PTGER4: variants seen among roughly 807,000 people sequenced by gnomAD.
PTGER4 encodes the protein prostaglandin E receptor 4, also known as prostaglandin E2 receptor EP4 subtype.
PTGER4 carries 11 observed loss-of-function variants against 33.2 expected under a neutral mutation model. The ratio of observed to expected loss-of-function variants is 0.33; its 90% CI spans 0.21 to 0.55. PTGER4 has a LOEUF of 0.55. PTGER4 is among the 20% of genes least tolerant of loss of function. The probability of loss-of-function intolerance (pLI) is 0.92; values close to 1 mark genes in which losing one functional copy is unlikely to be tolerated. For missense variants in PTGER4, 481 were observed against 650.2 expected (o/e 0.74, Z 2.83); for synonymous variants, 275 against 281.5 (o/e 0.98, Z 0.23).
At chr5:40,708,618 T>A in the PTGER4 span, among the ~76,000 whole-genome samples, 1 of 152,202 alleles carries the variant, frequency 6.6e-6, no homozygotes, top group East Asian at 1.9e-4. Flanking sequence ...GAGGAGCTGG[T>A]ACCATTCCTT....
chr5:40,744,716 AT>A, the PTGER4 span, among the ~76,000 whole-genome samples: 4 of 152,274 alleles, frequency 2.6e-5, no homozygotes, highest in Admixed American at 2.6e-4. Context: ...AAAATCATGT[AT>A]TTATTCAAAT....
chr5:40,701,564 T>C, the PTGER4 span, among the ~76,000 whole-genome samples: 2 of 152,202 alleles, frequency 1.3e-5, no homozygotes, highest in East Asian at 1.9e-4. Context: ...ATCACTGGCA[T>C]TCCTGACAGA....
In PTGER4 at chr5:40,681,062, C is replaced by A; in HGVS notation, c.69C>A (p.Ile23=). ...ACCGGCTGAACAGCCCAGTGACCATCCCGGCGGTGATGTTCATCTTCGGGG... is the reference window on the plus strand; with the variant it reads ...ACCGGCTGAACAGCCCAGTGACCATACCGGCGGTGATGTTCATCTTCGGGG... ...SPDRLNSPVT[I]PAVMFIFGVV... Residue 23 remains isoleucine (I), a synonymous_variant, in exon 2 of 3, where the codon ATC becomes ATA. Coordinates refer to ENST00000302472, the MANE Select transcript of PTGER4 (RefSeq NM_000958.3). The surrounding 1 kb of genome is among the most constrained non-coding windows in gnomAD (Gnocchi z 9.8). 1 of 1,614,094 alleles carries A rather than the reference C, an allele frequency of 6.2e-7. No individual in the cohort carries two copies. Among genetic ancestry groups the A allele is most frequent in the Non-Finnish European group, 8.5e-7 (1 of 1,180,032 alleles).
the PTGER4 span, among the ~76,000 whole-genome samples, chr5:40,738,910 A>G: frequency 3.3e-5 from 5 of 152,232 alleles, no homozygotes; most frequent in South Asian, 1.0e-3. Context: ...TCTTCTTCCT[A>G]CTGAGTTGTA....
the PTGER4 span, chr5:40,716,524 G>A: frequency 6.6e-7 from 1 of 1,514,680 alleles, no homozygotes; most frequent in Non-Finnish European, 8.9e-7. Context: ...AGAGTTTTTT[G>A]TTTTGGTTTT....
Position 40,692,624 on chromosome 5 carries a change from G to A in PTGER4, c.*246G>A, listed in dbSNP as rs1426866234. The A allele has an allele frequency of 8.9e-6, 11 of 1,234,254 alleles. No individual in the cohort carries two copies. The East Asian group carries it at 1.1e-4, about 12-fold the overall frequency. 76.5% of individuals were successfully genotyped at this position (1,234,254 alleles called of 1,614,324 possible). A position where few individuals can be genotyped will look rare whatever the true frequency, so the allele number is the denominator to read the frequency against. On this transcript the variant is annotated 3_prime_UTR_variant, in exon 3 of 3. Coordinates refer to ENST00000302472, the MANE Select transcript of PTGER4 (RefSeq NM_000958.3). ...ATTGTGGTCACAACTTGATGGCTGC[G>A]AAGACCTACCCTCCGTTTTTCTACT...
the PTGER4 span, among the ~76,000 whole-genome samples, chr5:40,712,513 A>G: frequency 6.6e-6 from 1 of 152,184 alleles, no homozygotes; most frequent in Non-Finnish European, 1.5e-5. Flanking sequence ...TGCCAACAAT[A>G]GCCACCAGAT....
In PTGER4 at chr5:40,693,457, G is replaced by A; in HGVS notation, c.*1079G>A. 1.0e-6 allele frequency: 1 copy of A among 985,954 alleles called. No homozygotes were observed. Among genetic ancestry groups the A allele is most frequent in the Non-Finnish European group, 1.2e-6 (1 of 829,938 alleles). 61.1% of individuals were successfully genotyped at this position (985,954 alleles called of 1,614,324 possible). A position where few individuals can be genotyped will look rare whatever the true frequency, so the allele number is the denominator to read the frequency against. On this transcript the variant is annotated 3_prime_UTR_variant, in exon 3 of 3. Transcript: ENST00000302472. ...AAAGCTTTATTTTGAGATGTAAAAA[G>A]ATTCCCAAACGTGGTTACATTAGCC...
At chr5:40,687,123 G>T (rs1388828091) in intron 2 of PTGER4, among the ~76,000 whole-genome samples, 2 of 152,072 alleles carry the variant, frequency 1.3e-5, no homozygotes, top group South Asian at 4.1e-4. Flanking sequence ...TCAGCTCACC[G>T]CAACCTCCAC....
chr5:40,723,971 G>A, the PTGER4 span, among the ~76,000 whole-genome samples: 1 of 152,152 alleles, frequency 6.6e-6, no homozygotes, highest in Non-Finnish European at 1.5e-5. Flanking sequence ...AGCCATTATG[G>A]AGTTTCTTCA....
At chr5:40,746,659 T>G in the PTGER4 span, 11 of 670,588 alleles carry the variant, frequency 1.6e-5, no homozygotes, top group African/African-American at 1.9e-4. Flanking sequence ...TTGAAACACC[T>G]TATTTCTTTG....
chr5:40,681,572 C>G lies in PTGER4; in HGVS notation c.579C>G (p.Ser193=). The G allele has an allele frequency of 6.2e-7, 1 of 1,610,758 alleles. No homozygotes were observed. Among genetic ancestry groups the G allele is most frequent in the Non-Finnish European group, 8.5e-7 (1 of 1,180,026 alleles). Residue 193 remains serine, a synonymous_variant, in exon 2 of 3, where the codon TCC becomes TCG. Coordinates refer to ENST00000302472, the MANE Select transcript of PTGER4 (RefSeq NM_000958.3). This position sits in a 1 kb window ranked among gnomAD's most constrained non-coding sequence, Gnocchi z 9.8. ...CCTACATGTACGCGGGCTTCAGCTC[C>G]TTCCTCATTCTCGCCACCGTCCTCT... ...AYSYMYAGFS[S]FLILATVLCN...
chr5:40,685,316 C>A, intron 2 of PTGER4: 1 of 791,182 alleles, frequency 1.3e-6, no homozygotes, highest in Non-Finnish European at 1.5e-6. Flanking sequence ...ATAAAGCTTT[C>A]ACCAGCATTT....
At chr5:40,718,331 C>T in the PTGER4 span, among the ~76,000 whole-genome samples, 2 of 151,264 alleles carry the variant, frequency 1.3e-5, no homozygotes, top group Non-Finnish European at 2.9e-5. Flanking sequence ...GTTTGAACCC[C>T]GGAGGCAGAG....
At chr5:40,720,381 G>A in the PTGER4 span, among the ~76,000 whole-genome samples, 1 of 152,116 alleles carries the variant, frequency 6.6e-6, no homozygotes, top group Non-Finnish European at 1.5e-5. Flanking sequence ...TGTACTTTCA[G>A]TTCTATCCCA....
chr5:40,712,503 T>C, the PTGER4 span, among the ~76,000 whole-genome samples: 2 of 152,152 alleles, frequency 1.3e-5, no homozygotes, highest in African/African-American at 4.8e-5. Flanking sequence ...TTTAAGTTTA[T>C]GCCAACAATA....
rs192221511 is a variant in PTGER4, at chr5:40,685,532, G to A, written c.867+3672G>A. 1.5e-5 allele frequency: 14 copies of A among 937,772 alleles called. No individual in the cohort carries two copies. The East Asian group carries it at 1.4e-3, about 94-fold the overall frequency. The allele number at this position is 937,772 out of a possible 1,614,324, so 58.1% of individuals were successfully genotyped here. A position where few individuals can be genotyped will look rare whatever the true frequency, so the allele number is the denominator to read the frequency against. ...AGACTGGATTTGTTCAAATAAATTT[G>A]GCTAAGTTTAAAAAATTGCAATGCC... is the stretch of plus-strand genomic sequence containing the variant. On this transcript the variant is annotated intron_variant, in intron 2 of 2. Coordinates refer to ENST00000302472, the MANE Select transcript of PTGER4 (RefSeq NM_000958.3).
Position 40,693,024 on chromosome 5 carries a change from ATTT to A in PTGER4, c.*649_*651del. Reference sequence around the variant, plus strand: ...ATTGATATCTATAAAATAGATATAAATTTTTAAGAGAAAGAATTTAGTATTATC... The same window carrying A: ...ATTGATATCTATAAAATAGATATAAATTAAGAGAAAGAATTTAGTATTATC... On this transcript the variant is annotated 3_prime_UTR_variant, in exon 3 of 3. Transcript: ENST00000302472. The A allele has an allele frequency of 1.1e-6, 1 of 904,550 alleles. No individual in the cohort carries two copies. 56.0% of individuals were successfully genotyped at this position (904,550 alleles called of 1,614,324 possible). A position where few individuals can be genotyped will look rare whatever the true frequency, so the allele number is the denominator to read the frequency against.
chr5:40,722,535 A>G, the PTGER4 span, among the ~76,000 whole-genome samples: 7 of 150,952 alleles, frequency 4.6e-5, no homozygotes, highest in African/African-American at 7.3e-5. Context: ...CTGGAATGTG[A>G]GGAGCGCCTC....
Sources: allele counts gnomAD v4.1 joint callset (sites outside exome capture counted in the v4.1 genomes callset), GRCh38; gene constraint gnomAD v4.1.1; non-coding constraint Gnocchi (gnomAD v3.1); transcripts MANE v1.5; gene names NCBI Gene and HGNC (gene_info 2026-07-23, HGNC 2026-07-21).